CAMK2D: variants seen among roughly 807,000 people sequenced by gnomAD.
CAMK2D encodes calcium/calmodulin dependent protein kinase II delta, also known as calcium/calmodulin-dependent protein kinase type II subunit delta.
A neutral mutation model predicts 84.0 loss-of-function variants in CAMK2D; 37 were observed. That is an observed-to-expected ratio of 0.44 (90% CI 0.34 to 0.58). CAMK2D has a LOEUF of 0.58. Among genes scored for constraint, CAMK2D ranks in the 20% least tolerant of loss-of-function variants. CAMK2D has a pLI of 0.02. For missense variants in CAMK2D, 448 were observed against 652.5 expected, an observed-to-expected ratio of 0.69 and a Z score of 3.41; for synonymous variants, 202 against 212.5, an observed-to-expected ratio of 0.95 and a Z score of 0.43.
At chr4:113,661,830 T>C (rs2099234003) in intron 2 of CAMK2D, 58 bp from the exon 3 acceptor site, 1 of 798,790 alleles carries the variant, frequency 1.3e-6, no homozygotes, top group African/African-American at 1.8e-5. Flanking sequence ...TAAAACACAA[T>C]AAACAGCATA....
intron 16 of CAMK2D, among the ~76,000 whole-genome samples, chr4:113,467,559 T>C (rs1401087037): frequency 6.6e-6 from 1 of 152,170 alleles, no homozygotes; most frequent in Non-Finnish European, 1.5e-5. Context: ...TGGGTTAGAA[T>C]TCATATTTAG....
rs1285891705 is a variant in CAMK2D, at chr4:113,452,999, T to G, written c.*1546A>C. The G allele has an allele frequency of 2.0e-5, 3 of 152,368 alleles. No homozygotes were observed. The highest frequency in any genetic ancestry group is 4.4e-5 in the Non-Finnish European group (3 of 68,034). 9.4% of individuals were successfully genotyped at this position (152,368 alleles called of 1,614,324 possible). ...TTTGTTTTTCTTTTTTGCTTCTGCTTTAAAAATAGGCTTCTGAGGACTGTG... is the reference window on the plus strand; with the variant it reads ...TTTGTTTTTCTTTTTTGCTTCTGCTGTAAAAATAGGCTTCTGAGGACTGTG... On this transcript the variant is annotated 3_prime_UTR_variant, in exon 21 of 21. Coordinates refer to ENST00000511664, the MANE Select transcript of CAMK2D (RefSeq NM_001321571.2).
chr4:113,462,270 G>GTT, intron 17 of CAMK2D, among the ~76,000 whole-genome samples: 1 of 57,790 alleles, frequency 1.7e-5, no homozygotes, highest in African/African-American at 8.1e-5. Flanking sequence ...TTGGAAATGT[G>GTT]TGTGTGTGTG....
In CAMK2D at chr4:113,452,253, C is replaced by T. The variant is rs979305292; in HGVS notation, c.*2292G>A. 3 of 151,878 alleles carry T rather than the reference C, an allele frequency of 2.0e-5. No individual in the cohort carries two copies. Among genetic ancestry groups the T allele is most frequent in the Non-Finnish European group, 4.4e-5 (3 of 67,986 alleles). The allele number at this position is 151,878 out of a possible 1,614,324, so 9.4% of individuals were successfully genotyped here. Reference sequence around the variant, plus strand: ...TCAGCAACATTTTCCCAGAAGAGACCATTGTTTTGCTCACAGAGAACAATT... The same window carrying T: ...TCAGCAACATTTTCCCAGAAGAGACTATTGTTTTGCTCACAGAGAACAATT... On this transcript the variant is annotated 3_prime_UTR_variant, in exon 21 of 21. Transcript: ENST00000511664.
At chr4:113,734,292 T>C (rs748479482) in intron 2 of CAMK2D, among the ~76,000 whole-genome samples, 11 of 152,152 alleles carry the variant, frequency 7.2e-5, no homozygotes, top group Non-Finnish European at 1.5e-4. Context: ...CTTTCTAAAA[T>C]AAAACATTAA....
chr4:113,648,027 C>T (rs938534674), intron 3 of CAMK2D, among the ~76,000 whole-genome samples: 1 of 152,070 alleles, frequency 6.6e-6, no homozygotes, highest in Non-Finnish European at 1.5e-5. Flanking sequence ...AAATAATGAC[C>T]TTCAAAATAG....
chr4:113,463,487 C>T (rs1436631166), intron 17 of CAMK2D, among the ~76,000 whole-genome samples: 1 of 152,152 alleles, frequency 6.6e-6, no homozygotes, highest in Non-Finnish European at 1.5e-5. Context: ...AGTGATTCTC[C>T]TGCCTCAGCC....
intron 3 of CAMK2D, among the ~76,000 whole-genome samples, chr4:113,653,563 G>A (rs1398739344): frequency 2.0e-5 from 3 of 152,018 alleles, no homozygotes; most frequent in Non-Finnish European, 4.4e-5. Flanking sequence ...CGCTTTCTTA[G>A]ACTGTTGCTC....
rs79881716 is a variant in CAMK2D at position 113,570,604 on chromosome 4, G to A, written c.276-18508C>T. Among the ~76,000 whole-genome samples, 1,274 of 152,226 alleles carry A rather than the reference G, an allele frequency of 8.4e-3. 24 individuals carry two copies. Among genetic ancestry groups the A allele is most frequent in the African/African-American group, 0.029 (1,213 of 41,544 alleles). ...AAAAACTGGATATTCACATGCAGAAGAATGAAATTAGACATTCATATTACA... is the reference window on the plus strand; with the variant it reads ...AAAAACTGGATATTCACATGCAGAAAAATGAAATTAGACATTCATATTACA... On this transcript the variant is annotated intron_variant, in intron 4 of 20. Transcript: ENST00000511664.
At chr4:113,454,640 CTATG>C (rs2097283676) in intron 20 of CAMK2D, 125 bp from the exon 21 acceptor site, 1 of 652,534 alleles carries the variant, frequency 1.5e-6, no homozygotes, top group Admixed American at 2.2e-5. Context: ...ATTGAAAACA[CTATG>C]TATAAGAGAT....
chr4:113,715,602 A>ATGT (rs2099511062), intron 2 of CAMK2D, among the ~76,000 whole-genome samples: 1 of 152,136 alleles, frequency 6.6e-6, no homozygotes, highest in African/African-American at 2.4e-5. Context: ...ATCTTACTAG[A>ATGT]TGTTATAGGT....
At chr4:113,729,430 C>T (rs2099556163) in intron 2 of CAMK2D, among the ~76,000 whole-genome samples, 1 of 152,154 alleles carries the variant, frequency 6.6e-6, no homozygotes, top group South Asian at 2.1e-4. Context: ...TACACTGGGC[C>T]TTTCCTTTGT....
At chr4:113,563,422 C>A (rs139105668) in intron 4 of CAMK2D, among the ~76,000 whole-genome samples, 1 of 152,246 alleles carries the variant, frequency 6.6e-6, no homozygotes, top group East Asian at 1.9e-4. Flanking sequence ...TGAGAGCTTT[C>A]TTTCACTTTG....
At chr4:113,518,522 C>T (rs763954181) in intron 8 of CAMK2D, among the ~76,000 whole-genome samples, 8 of 152,150 alleles carry the variant, frequency 5.3e-5, no homozygotes, top group Non-Finnish European at 1.0e-4. Flanking sequence ...TCAAATATCT[C>T]TCCTGCCACT....
chr4:113,681,376 C>T (rs1458768324), intron 2 of CAMK2D, among the ~76,000 whole-genome samples: 2 of 152,026 alleles, frequency 1.3e-5, no homozygotes, highest in Non-Finnish European at 2.9e-5. Flanking sequence ...GGCTTTTCCC[C>T]CTTTGCTCAG....
intron 17 of CAMK2D, among the ~76,000 whole-genome samples, chr4:113,465,162 A>G (rs548343212): frequency 6.6e-6 from 1 of 152,126 alleles, no homozygotes; most frequent in Admixed American, 6.5e-5. Flanking sequence ...CCTCCCAAGT[A>G]TGTGGGACTA....
chr4:113,711,190 A>G (rs755177962), intron 2 of CAMK2D, among the ~76,000 whole-genome samples: 3 of 150,044 alleles, frequency 2.0e-5, no homozygotes, highest in Non-Finnish European at 1.5e-5. Flanking sequence ...TATATACATC[A>G]TCTATTATGT....
At chr4:113,609,340 C>T (rs1016399463) in intron 3 of CAMK2D, 134 bp from the exon 4 acceptor site, 16 of 600,768 alleles carry the variant, frequency 2.7e-5, no homozygotes, top group East Asian at 5.7e-5. Context: ...TTGATACGTC[C>T]GTATCTTTTA....
At chr4:113,737,576 G>A (rs913434113) in intron 2 of CAMK2D, among the ~76,000 whole-genome samples, 5 of 152,112 alleles carry the variant, frequency 3.3e-5, no homozygotes, top group Non-Finnish European at 7.4e-5. Flanking sequence ...AAAGTTGTAC[G>A]ACGATGTGAA....
Sources: gnomAD v4.1 joint callset for allele counts (sites outside exome capture counted in the v4.1 genomes callset) on GRCh38, gnomAD v4.1.1 for gene constraint, MANE v1.5 for transcripts, NCBI Gene and HGNC (gene_info 2026-07-23, HGNC 2026-07-21) for gene names.